Variants in LGI2 observed in about 807,000 individuals in gnomAD.
LGI2 encodes leucine rich repeat LGI family member 2, also known as leucine-rich repeat LGI family member 2.
A neutral mutation model predicts 52.0 loss-of-function variants in LGI2; 30 were observed. The observed-to-expected ratio is 0.58, with a 90% CI of 0.43 to 0.78. LGI2 has a LOEUF of 0.78. LGI2 is among the 30% of genes least tolerant of loss of function. The pLI, the probability that LGI2 is intolerant of heterozygous loss-of-function variation, is 0.00. For synonymous variants in LGI2, 270 were observed against 271.8 expected, an observed-to-expected ratio of 0.99 and a Z score of 0.06; for missense variants, 573 against 692.5, an observed-to-expected ratio of 0.83 and a Z score of 1.94.
At position 25,018,002 on chromosome 4, in the gene LGI2, T is replaced by C; in HGVS notation, c.642A>G (p.Glu214=). 1 of 1,610,646 alleles carries C rather than the reference T, an allele frequency of 6.2e-7. No homozygotes were observed. The highest frequency in any genetic ancestry group is 2.2e-5 in the East Asian group (1 of 44,826). ...GGCTCTGAATACCTGTAGTTGTGCA[T>C]TCATAGTCAAAGCTGGTCACGTCAT... ...KLNDVTSFDY[E]CTTTDFVVHQ... is the part of the protein sequence containing the mutation. The change falls in exon 6 of 8, where the codon GAA becomes GAG. Residue 214 remains glutamate, a synonymous_variant. Transcript: ENST00000382114.
chr4:25,016,411 T>C (rs1725759883), intron 6 of LGI2, among the ~76,000 whole-genome samples: 1 of 152,216 alleles, frequency 6.6e-6, no homozygotes, highest in South Asian at 2.1e-4. Context: ...GTTTATTCAA[T>C]TTAATTAAAT....
chr4:25,012,639 A>G (rs1206797777), intron 6 of LGI2, 140 bp from the exon 7 acceptor site: 2 of 798,088 alleles, frequency 2.5e-6, no homozygotes, highest in African/African-American at 3.5e-5. Context: ...CAACACAAAC[A>G]TCACAGCGTA....
intron 1 of LGI2, among the ~76,000 whole-genome samples, chr4:25,029,428 G>A (rs1726254757): frequency 6.6e-6 from 1 of 152,182 alleles, no homozygotes. Context: ...TGCCTTGGGT[G>A]GGAGGCTGGG....
At chr4:25,028,462 C>T (rs773389689) in intron 2 of LGI2, 45 bp downstream of exon 2, 6 of 1,572,728 alleles carry the variant, frequency 3.8e-6, no homozygotes, top group Middle Eastern at 2.0e-4. Context: ...CCAAGGATGG[C>T]ACCTCAGGGC....
At chr4:25,025,296 T>A (rs1319110214) in intron 3 of LGI2, among the ~76,000 whole-genome samples, 1 of 152,260 alleles carries the variant, frequency 6.6e-6, no homozygotes, top group Non-Finnish European at 1.5e-5. Flanking sequence ...TCTGTTAATG[T>A]CACTGTCCCT....
chr4:25,029,381 G>A lies in LGI2; in HGVS notation c.198-803C>T, dbSNP rs539783037. Among the ~76,000 whole-genome samples the A allele has an allele frequency of 2.6e-5, 4 of 152,302 alleles. No individual in the cohort carries two copies. In the East Asian group the frequency reaches 5.8e-4, roughly 22 times the overall value. ...TTCTGACTTTCTATAAATGCAAATG[G>A]GAACCCCCTCACTCCTGGGTCCAGG... is the stretch of plus-strand genomic sequence containing the variant. On this transcript the variant is annotated intron_variant, in intron 1 of 7. Transcript: ENST00000382114.
At chr4:24,996,036 C>T (rs1392956071), downstream of LGI2, among the ~76,000 whole-genome samples, 1 of 152,252 alleles carries the variant, frequency 6.6e-6, no homozygotes, top group East Asian at 1.9e-4. Flanking sequence ...GAGCAAGAGG[C>T]TTGTGGGAGA....
intron 6 of LGI2, 57 bp from the exon 7 acceptor site, chr4:25,012,556 A>G: frequency 1.3e-6 from 2 of 1,565,420 alleles, no homozygotes; most frequent in Non-Finnish European, 1.8e-6. Context: ...AGGGATTATC[A>G]ACCACCATCA....
chr4:25,025,884 A>C (rs111936358), intron 3 of LGI2, among the ~76,000 whole-genome samples: 1 of 152,206 alleles, frequency 6.6e-6, no homozygotes, highest in Non-Finnish European at 1.5e-5. Flanking sequence ...CGTAAGAGAA[A>C]ACTCATAGCT....
downstream of LGI2, among the ~76,000 whole-genome samples, chr4:24,995,250 C>G (rs1293821136): frequency 2.0e-5 from 3 of 152,178 alleles, no homozygotes; most frequent in Non-Finnish European, 4.4e-5. Context: ...AATTAATAGA[C>G]CCATTTGGCA....
chr4:25,008,060 C>T (rs955133411), intron 7 of LGI2, among the ~76,000 whole-genome samples: 3 of 152,204 alleles, frequency 2.0e-5, no homozygotes, highest in African/African-American at 4.8e-5. Context: ...TGCCAGCAAC[C>T]GAGAGACAGC....
intron 7 of LGI2, among the ~76,000 whole-genome samples, chr4:25,006,620 T>C (rs942357597): frequency 6.6e-6 from 1 of 152,342 alleles, no homozygotes; most frequent in East Asian, 1.9e-4. Flanking sequence ...AGAGCAAATT[T>C]TGAAAATACT....
chr4:25,025,898 C>T (rs1292985940), intron 3 of LGI2, among the ~76,000 whole-genome samples: 2 of 152,204 alleles, frequency 1.3e-5, no homozygotes, highest in Non-Finnish European at 2.9e-5. Context: ...CATAGCTTTA[C>T]AACTGCTACC....
chr4:25,003,448 C>CCTT lies in LGI2; in HGVS notation c.1638_*2dup. ...ATTTCTCTTAGTTTCACCCACCACA[C>CCTT]CTTCACAAACTTAAGTCAACAATTA... On this transcript the variant is annotated 3_prime_UTR_variant, in exon 8 of 8. Coordinates refer to ENST00000382114, the MANE Select transcript of LGI2 (RefSeq NM_018176.4). 1 of 1,563,672 alleles carries CCTT rather than the reference C, an allele frequency of 6.4e-7. No individual in the cohort carries two copies. Among genetic ancestry groups the CCTT allele is most frequent in the South Asian group, 1.2e-5 (1 of 81,388 alleles).
At chr4:25,030,443 C>T in intron 1 of LGI2, 54 bp downstream of exon 1, 11 of 1,288,594 alleles carry the variant, frequency 8.5e-6, no homozygotes, top group East Asian at 4.4e-5. Context: ...TCCCTCGCGG[C>T]GGCGGACGCA....
At chr4:25,014,604 G>A (rs993410228) in intron 6 of LGI2, among the ~76,000 whole-genome samples, 3 of 152,094 alleles carry the variant, frequency 2.0e-5, no homozygotes, top group African/African-American at 7.2e-5. Flanking sequence ...GGCCAAGGCA[G>A]GACTGCTTGA....
Position 25,017,036 on chromosome 4 carries a change from G to A in LGI2, c.655+953C>T, listed in dbSNP as rs762452516. Among the ~76,000 whole-genome samples the A allele has an allele frequency of 2.6e-5, 4 of 152,124 alleles. No individual in the cohort carries two copies. The South Asian group carries it at 8.3e-4, about 31-fold the overall frequency. On this transcript the variant is annotated intron_variant, in intron 6 of 7. Transcript: ENST00000382114. ...TGACAGTGGAGGCAGTTAGTATTTTGGTTTTATCTTATAACCTGAAAAATG... is the reference window on the plus strand; with the variant it reads ...TGACAGTGGAGGCAGTTAGTATTTTAGTTTTATCTTATAACCTGAAAAATG...
rs535857356 is a variant in LGI2 at position 25,003,612 on chromosome 4, C to A, written c.1477G>T (p.Asp493Tyr). ...DYTFSQIYQWDKEKQLFKKFK... is the reference protein window; with the variant it reads ...DYTFSQIYQWYKEKQLFKKFK... The stretch of plus-strand genomic sequence containing the variant: ...TTTTTGAATAGCTGCTTCTCTTTAT[C>A]CCACTGGTATATCTGAGAGAATGTA... The change falls in exon 8 of 8, where the codon GAT (aspartate) becomes TAT (tyrosine). Residue 493 changes from aspartate to tyrosine, a missense_variant. Asp to Tyr is a radical substitution (Grantham distance 160). Coordinates refer to ENST00000382114, the MANE Select transcript of LGI2 (RefSeq NM_018176.4). The A allele has an allele frequency of 2.5e-6, 4 of 1,614,048 alleles. No homozygotes were observed. Among genetic ancestry groups the A allele is most frequent in the Non-Finnish European group, 3.4e-6 (4 of 1,180,040 alleles).
In LGI2 at chr4:25,030,697, C is replaced by T. The variant is rs1248807504; in HGVS notation, c.-4G>A. On this transcript the variant is annotated 5_prime_UTR_variant, in exon 1 of 8. Transcript: ENST00000382114. Reference sequence around the variant, plus strand: ...AGCCGCCTCTCCGCAGCGCCATGCCCGGTCCCCGCTCCCCGCCCGGGCCCC... The same window carrying T: ...AGCCGCCTCTCCGCAGCGCCATGCCTGGTCCCCGCTCCCCGCCCGGGCCCC... 1.5e-6 allele frequency: 2 copies of T among 1,343,588 alleles called. No individual in the cohort carries two copies. Among genetic ancestry groups the T allele is most frequent in the East Asian group, 3.1e-5 (1 of 31,866 alleles). The allele number at this position is 1,343,588 out of a possible 1,614,324, so 83.2% of individuals were successfully genotyped here. A position where few individuals can be genotyped will look rare whatever the true frequency, so the allele number is the denominator to read the frequency against.
Sources: gnomAD v4.1 joint callset for allele counts (sites outside exome capture counted in the v4.1 genomes callset) on GRCh38, gnomAD v4.1.1 for gene constraint, MANE v1.5 for transcripts, NCBI Gene and HGNC (gene_info 2026-07-23, HGNC 2026-07-21) for gene names.